The following MYCBP2 variants were observed in gnomAD, a reference collection of about 807,000 sequenced individuals.
MYCBP2 encodes the protein MYC binding protein 2.
In MYCBP2, 120 loss-of-function variants were observed where a neutral mutation model predicts 525.3. The observed-to-expected ratio is 0.23, with a 90% CI of 0.20 to 0.27. The LOEUF (loss-of-function observed/expected upper bound fraction) is 0.27, where lower values mean the gene tolerates loss of function less well. Ranked by LOEUF, MYCBP2 falls within the 10% of genes least tolerant of loss-of-function variation. The pLI, the probability that MYCBP2 is intolerant of heterozygous loss-of-function variation, is 1.00. For synonymous variants in MYCBP2, 1,894 were observed against 1,955.8 expected, an observed-to-expected ratio of 0.97 and a Z score of 0.83; for missense variants, 4,149 against 5,657.1, an observed-to-expected ratio of 0.73 and a Z score of 8.55.
intron 49 of MYCBP2, among the ~76,000 whole-genome samples, chr13:77,142,220 T>C (rs1278271425): frequency 6.6e-6 from 1 of 152,224 alleles, no homozygotes; most frequent in Non-Finnish European, 1.5e-5. Context: ...CTACTTATAT[T>C]CTACTTCATA....
rs537527364 is a variant in MYCBP2 at position 77,142,821 on chromosome 13, C to A, written c.7303+1624G>T. Among the ~76,000 whole-genome samples, 3 of 152,306 alleles carry A rather than the reference C, an allele frequency of 2.0e-5. No individual in the cohort carries two copies. The South Asian group carries it at 6.2e-4, about 32-fold the overall frequency. On this transcript the variant is annotated intron_variant, in intron 49 of 82. Coordinates refer to ENST00000544440, the MANE Select transcript of MYCBP2 (RefSeq NM_015057.5). ...TGACATGATGCTCAAAAAAAGTGCT[C>A]ACTGGAGCATTCTGAATTTTGAAAT...
In MYCBP2 at chr13:77,273,371, T is replaced by C. The variant is rs1594545412; in HGVS notation, c.945+101A>G. On this transcript the variant is annotated intron_variant, in intron 5 of 82. Transcript: ENST00000544440. ...ATCAATCTTGGACAGATTAAGCTAC[T>C]GTAATGAGTGAGAAAAAGCAGAATT... is the stretch of plus-strand genomic sequence containing the variant. The C allele has an allele frequency of 4.2e-6, 4 of 947,352 alleles. No individual in the cohort carries two copies. In the East Asian group the frequency reaches 7.8e-5, roughly 18 times the overall value. 58.7% of individuals were successfully genotyped at this position (947,352 alleles called of 1,614,324 possible).
intron 68 of MYCBP2, among the ~76,000 whole-genome samples, chr13:77,074,616 CA>C (rs2041973076): frequency 6.6e-6 from 1 of 152,120 alleles, no homozygotes; most frequent in Non-Finnish European, 1.5e-5. Flanking sequence ...AAATATCCAT[CA>C]AAAAATGAAA....
At chr13:77,263,887 G>T in intron 9 of MYCBP2, 42 bp downstream of exon 9, 1 of 1,605,830 alleles carries the variant, frequency 6.2e-7, no homozygotes, top group South Asian at 1.1e-5. Flanking sequence ...TAAGGAAAAG[G>T]AATTCCATTT....
At chr13:77,315,026 C>G (rs900304116) in intron 1 of MYCBP2, among the ~76,000 whole-genome samples, 3 of 152,120 alleles carry the variant, frequency 2.0e-5, no homozygotes, top group African/African-American at 7.2e-5. Flanking sequence ...ATGCTAAAAA[C>G]TTCAACAACT....
rs555399379 is a variant in MYCBP2, at chr13:77,054,445, A to C, written c.13647+1113T>G. On this transcript the variant is annotated intron_variant, in intron 80 of 82. Transcript: ENST00000544440. ...GTGTAAGGGATGCAACAGAGGAATT[A>C]GGGGTTCTACACCCGAGCTCAGGAA... Among the ~76,000 whole-genome samples the C allele has an allele frequency of 2.0e-5, 3 of 152,228 alleles. No homozygotes were observed. The South Asian group carries it at 6.2e-4, about 32-fold the overall frequency.
intron 14 of MYCBP2, among the ~76,000 whole-genome samples, chr13:77,254,297 G>A (rs376676410): frequency 9.0e-4 from 137 of 151,646 alleles, no homozygotes; most frequent in African/African-American, 3.0e-3. Context: ...AGTCATGATC[G>A]CGGTTAGCTC....
intron 7 of MYCBP2, among the ~76,000 whole-genome samples, chr13:77,269,609 C>T (rs72628064): frequency 0.12 from 17,825 of 151,898 alleles, 1,233 homozygotes; most frequent in Admixed American, 0.21. Flanking sequence ...CTGGGTGACA[C>T]AGCGAGATTC....
chr13:77,079,999 TGAGG>T (rs1485324407), intron 65 of MYCBP2, among the ~76,000 whole-genome samples: 1 of 152,204 alleles, frequency 6.6e-6, no homozygotes, highest in African/African-American at 2.4e-5. Flanking sequence ...ATCATTGTTC[TGAGG>T]GAGAGTATGT....
intron 7 of MYCBP2, among the ~76,000 whole-genome samples, chr13:77,268,865 T>A (rs934764353): frequency 2.0e-5 from 3 of 152,204 alleles, no homozygotes; most frequent in African/African-American, 7.2e-5. Flanking sequence ...GTAATTTCCA[T>A]AGTTTTCAAA....
At chr13:77,307,877 A>C (rs1018275059) in intron 1 of MYCBP2, among the ~76,000 whole-genome samples, 1 of 151,576 alleles carries the variant, frequency 6.6e-6, no homozygotes, top group African/African-American at 2.4e-5. Context: ...TGTTCCTTCT[A>C]CCTCTGATGG....
chr13:77,326,553 C>A lies in MYCBP2; in HGVS notation c.223G>T (p.Asp75Tyr), dbSNP rs533910259. 4.4e-6 allele frequency: 7 copies of A among 1,597,004 alleles called. No individual in the cohort carries two copies. The highest frequency in any genetic ancestry group is 3.3e-5 in the South Asian group (3 of 90,324). ...QLLLSGRALA[D>Y]RYRRIYTAAL... ...GCGGTATAAATCCTCCGGTAGCGGT[C>A]GGCCAGGGCCCGGCCTGACAGCAGC... Residue 75 changes from aspartate to tyrosine, a missense_variant, in exon 1 of 83, where the codon GAC (aspartate) becomes TAC (tyrosine). Coordinates refer to ENST00000544440, the MANE Select transcript of MYCBP2 (RefSeq NM_015057.5). This position sits in a 1 kb window ranked among gnomAD's most constrained non-coding sequence, Gnocchi z 4.2.
rs751642278 is a variant in MYCBP2 at position 77,150,829 on chromosome 13, T to C, written c.7036A>G (p.Met2346Val). The part of the protein sequence containing the change: ...AVTAASSNTD[M>V]TYGGLASPKL... ...GGTGATGCCAGCCCTCCATAAGTCA[T>C]GTCAGTATTAGAAGATGCAGCTGTT... Residue 2346 changes from methionine to valine, a missense_variant, in exon 47 of 83, where the codon ATG becomes GTG. Around this residue, in one of 21 missense-constraint regions of MYCBP2, gnomAD observed 692 missense variants for 852.7 expected, o/e 0.81. Coordinates refer to ENST00000544440, the MANE Select transcript of MYCBP2 (RefSeq NM_015057.5). 4 of 1,614,048 alleles carry C rather than the reference T, an allele frequency of 2.5e-6. No homozygotes were observed. The highest frequency in any genetic ancestry group is 3.4e-6 in the Non-Finnish European group (4 of 1,180,008).
At chr13:77,215,111 C>T (rs2064631940) in intron 21 of MYCBP2, among the ~76,000 whole-genome samples, 1 of 152,110 alleles carries the variant, frequency 6.6e-6, no homozygotes, top group South Asian at 2.1e-4. Flanking sequence ...GAAGTGACAC[C>T]TCTTGAGTAT....
chr13:77,069,701 A>G (rs946579103), intron 69 of MYCBP2, among the ~76,000 whole-genome samples: 1 of 150,110 alleles, frequency 6.7e-6, no homozygotes, highest in African/African-American at 2.4e-5. Flanking sequence ...CTAAAAAAAA[A>G]AAAAAAAAAA....
rs1290154115 is a variant in MYCBP2 at position 77,181,794 on chromosome 13, T to C, written c.4848A>G (p.Leu1616=). The change falls in exon 33 of 83, where the codon CTA becomes CTG. Residue 1616 remains leucine, a synonymous_variant. Transcript: ENST00000544440. The part of the protein sequence containing the change: ...FPIAYDGEVL[L]RSIVKQVSTE... The stretch of plus-strand genomic sequence containing the variant: ...TACTAACTTGTTTAACAATTGATCG[T>C]AGTAATACTTCTCCATCATACGCAA... 2 of 1,614,164 alleles carry C rather than the reference T, an allele frequency of 1.2e-6. No individual in the cohort carries two copies. The highest frequency in any genetic ancestry group is 4.5e-5 in the East Asian group (2 of 44,884).
In MYCBP2 at chr13:77,121,372, C is replaced by A; in HGVS notation, c.8140+1G>T. 6.5e-7 allele frequency: 1 copy of A among 1,544,802 alleles called. No individual in the cohort carries two copies. Among genetic ancestry groups the A allele is most frequent in the Non-Finnish European group, 8.8e-7 (1 of 1,138,072 alleles). On this transcript the variant is annotated splice_donor_variant, in intron 55 of 82. Transcript: ENST00000544440. LOFTEE classifies it high-confidence loss of function. ...TAAAAGACTTACTTTTAAATACCTA[C>A]CTTTGCTATTTCCGAGTCCATAATC...
chr13:77,279,878 G>T (rs1594605233), intron 3 of MYCBP2, among the ~76,000 whole-genome samples: 3 of 152,072 alleles, frequency 2.0e-5, no homozygotes, highest in Admixed American at 6.6e-5. Flanking sequence ...TTACATTACA[G>T]TATAACTATT....
chr13:77,061,326 A>G (rs1357871443), intron 75 of MYCBP2, 25 bp from the exon 76 acceptor site: 9 of 1,563,994 alleles, frequency 5.8e-6, no homozygotes, highest in African/African-American at 1.4e-5. Flanking sequence ...AAGAACAGGG[A>G]AAAATATGCT....
Sources: allele counts gnomAD v4.1 joint callset (sites outside exome capture counted in the v4.1 genomes callset), GRCh38; gene constraint gnomAD v4.1.1; regional missense constraint gnomAD v4.1.1; non-coding constraint Gnocchi (gnomAD v3.1); transcripts MANE v1.5; gene names NCBI Gene and HGNC (gene_info 2026-07-23, HGNC 2026-07-21).